MAF: variants seen among roughly 807,000 people sequenced by gnomAD.
The protein encoded by MAF is MAF bZIP transcription factor, also known as transcription factor Maf.
A neutral mutation model predicts 22.0 loss-of-function variants in MAF; 10 were observed. The ratio of observed to expected loss-of-function variants is 0.45; its 90% CI spans 0.28 to 0.77. The LOEUF (loss-of-function observed/expected upper bound fraction) is 0.77, where lower values mean the gene tolerates loss of function less well. Ranked by LOEUF, MAF falls within the 30% of genes least tolerant of loss-of-function variation. MAF has a pLI of 0.12. For synonymous variants in MAF, 337 were observed against 255.8 expected, an observed-to-expected ratio of 1.32 and a Z score of -3.03; for missense variants, 544 against 548.4, an observed-to-expected ratio of 0.99 and a Z score of 0.08.
chr16:79,276,498 A>G, the MAF span, among the ~76,000 whole-genome samples: 1 of 152,204 alleles, frequency 6.6e-6, no homozygotes, highest in Non-Finnish European at 1.5e-5. Context: ...AGCATCAAAA[A>G]GCACAAATGT....
At chr16:79,321,210 C>G in the MAF span, among the ~76,000 whole-genome samples, 1 of 152,154 alleles carries the variant, frequency 6.6e-6, no homozygotes, top group Non-Finnish European at 1.5e-5. Flanking sequence ...AATTCCACAG[C>G]GCAGTCTTGG....
At chr16:79,486,795 G>C in the MAF span, among the ~76,000 whole-genome samples, 2 of 152,192 alleles carry the variant, frequency 1.3e-5, no homozygotes, top group Non-Finnish European at 2.9e-5. Context: ...AATCAATCCT[G>C]TTGCTTTTCA....
chr16:79,565,472 C>G, the MAF span, among the ~76,000 whole-genome samples: 3 of 151,898 alleles, frequency 2.0e-5, no homozygotes, highest in African/African-American at 7.3e-5. Flanking sequence ...CAAATCTCAC[C>G]TTGAACTGTA....
the MAF span, among the ~76,000 whole-genome samples, chr16:79,253,507 A>G: frequency 2.6e-5 from 4 of 151,880 alleles, no homozygotes; most frequent in Admixed American, 2.0e-4. Flanking sequence ...CCCTTCTCCA[A>G]TTTTAGTATG....
At chr16:79,522,947 T>G in the MAF span, among the ~76,000 whole-genome samples, 1 of 152,188 alleles carries the variant, frequency 6.6e-6, no homozygotes, top group East Asian at 1.9e-4. Flanking sequence ...AGAAGAGACA[T>G]GATGTCTTTC....
chr16:79,345,319 C>G, the MAF span, among the ~76,000 whole-genome samples: 1 of 152,140 alleles, frequency 6.6e-6, no homozygotes, highest in African/African-American at 2.4e-5. Context: ...TTGTTTAATC[C>G]TCATTTCATC....
chr16:79,209,507 G>T, the MAF span, among the ~76,000 whole-genome samples: 1 of 152,178 alleles, frequency 6.6e-6, no homozygotes, highest in African/African-American at 2.4e-5. Context: ...AACCATTGTG[G>T]CATAGAGGGC....
chr16:79,320,654 TG>T, the MAF span, among the ~76,000 whole-genome samples: 1 of 152,204 alleles, frequency 6.6e-6, no homozygotes, highest in African/African-American at 2.4e-5. Flanking sequence ...TGAATGAATG[TG>T]CCTCCAGCTT....
the MAF span, among the ~76,000 whole-genome samples, chr16:79,341,077 G>A: frequency 5.9e-5 from 9 of 152,204 alleles, no homozygotes; most frequent in Non-Finnish European, 1.3e-4. Context: ...GAGGCCGGAA[G>A]CAGGAAGAAC....
rs1302657817 is a variant in MAF at position 79,598,805 on chromosome 16, C to CG, written c.1097dup (p.Ser367ValfsTer9). On this transcript the variant is annotated frameshift_variant, in exon 1 of 2. Coordinates refer to ENST00000326043, the MANE Select transcript of MAF (RefSeq NM_005360.5). LOFTEE classifies it high-confidence loss of function. The stretch of plus-strand genomic sequence containing the variant: ...CTCACATGAAAAACTCGGGAGAGGA[C>CG]GGGTTGTCGCTGCTCGAGCCGTTTT... 1 of 1,613,724 alleles carries CG rather than the reference C, an allele frequency of 6.2e-7. No homozygotes were observed.
the MAF span, among the ~76,000 whole-genome samples, chr16:79,296,625 A>AT: frequency 0.23 from 33,637 of 147,714 alleles, 4,422 homozygotes; most frequent in East Asian, 0.69. Flanking sequence ...AAGATTTGTA[A>AT]TTTTTTTTTT....
At chr16:79,472,422 T>G in the MAF span, among the ~76,000 whole-genome samples, 1 of 152,304 alleles carries the variant, frequency 6.6e-6, no homozygotes, top group Non-Finnish European at 1.5e-5. Context: ...ATCCATACAA[T>G]GGAATACTAT....
the MAF span, among the ~76,000 whole-genome samples, chr16:79,540,959 G>C: frequency 1.4e-3 from 210 of 152,200 alleles, 1 homozygote; most frequent in Admixed American, 4.4e-3. Context: ...ATTACCGCTA[G>C]TACTATCACT....
At chr16:79,385,577 T>G in the MAF span, among the ~76,000 whole-genome samples, 1 of 152,228 alleles carries the variant, frequency 6.6e-6, no homozygotes, top group African/African-American at 2.4e-5. Flanking sequence ...GTTGTGTTCT[T>G]AATTTGGTTT....
the MAF span, among the ~76,000 whole-genome samples, chr16:79,563,108 G>A: frequency 6.6e-6 from 1 of 152,170 alleles, no homozygotes; most frequent in African/African-American, 2.4e-5. Flanking sequence ...CTTACGCTCA[G>A]GAGGATTTAT....
the MAF span, among the ~76,000 whole-genome samples, chr16:79,406,366 G>A: frequency 6.6e-6 from 1 of 152,174 alleles, no homozygotes; most frequent in African/African-American, 2.4e-5. Context: ...TAGACTGAGT[G>A]GCTTATATCA....
At chr16:79,307,136 T>C in the MAF span, among the ~76,000 whole-genome samples, 1 of 152,190 alleles carries the variant, frequency 6.6e-6, no homozygotes, top group East Asian at 1.9e-4. Context: ...CCGCAGTCCA[T>C]GTGGAGATGA....
At chr16:79,358,030 T>A in the MAF span, among the ~76,000 whole-genome samples, 69,055 of 151,746 alleles carry the variant, frequency 0.46, 16,014 homozygotes, top group South Asian at 0.61. Context: ...CCAGCACCAC[T>A]TTGCCACCAA....
the MAF span, among the ~76,000 whole-genome samples, chr16:79,215,910 G>T: frequency 2.6e-5 from 4 of 152,222 alleles, no homozygotes; most frequent in South Asian, 4.2e-4. Flanking sequence ...AGTAGCGATT[G>T]CCCCCTCATG....
Sources: allele counts gnomAD v4.1 joint callset (sites outside exome capture counted in the v4.1 genomes callset), GRCh38; gene constraint gnomAD v4.1.1; transcripts MANE v1.5; gene names NCBI Gene and HGNC (gene_info 2026-07-23, HGNC 2026-07-21).